Variants in FGF14 observed in about 807,000 individuals in gnomAD.
FGF14 encodes the protein fibroblast growth factor 14.
A neutral mutation model predicts 25.5 loss-of-function variants in FGF14; 5 were observed. That is an observed-to-expected ratio of 0.20 (90% CI 0.10 to 0.41). FGF14 has a LOEUF of 0.41. FGF14 is among the 10% of genes least tolerant of loss of function. FGF14 has a pLI of 1.00. For missense variants in FGF14, 222 were observed against 320.1 expected (o/e 0.69, Z 2.34); for synonymous variants, 138 against 118.3 (o/e 1.17, Z -1.08).
At chr13:101,900,875 A>G (rs2138982407) in intron 1 of FGF14, among the ~76,000 whole-genome samples, 1 of 152,288 alleles carries the variant, frequency 6.6e-6, no homozygotes, top group African/African-American at 2.4e-5. Flanking sequence ...TTTGAATGTA[A>G]AAACTGCTAT....
intron 1 of FGF14, among the ~76,000 whole-genome samples, chr13:102,208,465 A>G (rs78349331): frequency 6.6e-6 from 1 of 152,190 alleles, no homozygotes; most frequent in Non-Finnish European, 1.5e-5. Context: ...CTATCAGTTT[A>G]TCTTGTGAAT....
At chr13:102,183,974 C>A (rs2048779136) in intron 1 of FGF14, among the ~76,000 whole-genome samples, 1 of 152,134 alleles carries the variant, frequency 6.6e-6, no homozygotes, top group Non-Finnish European at 1.5e-5. Flanking sequence ...TACATTTTAA[C>A]CATGAATGTC....
intron 1 of FGF14, among the ~76,000 whole-genome samples, chr13:102,024,954 T>TAC (rs1566586723): frequency 2.0e-5 from 3 of 151,186 alleles, no homozygotes; most frequent in African/African-American, 7.3e-5. Flanking sequence ...TATATATATA[T>TAC]ACATATGTAA....
chr13:102,256,703 C>T (rs2052456550), intron 1 of FGF14, among the ~76,000 whole-genome samples: 3 of 152,182 alleles, frequency 2.0e-5, no homozygotes, highest in Admixed American at 2.0e-4. Flanking sequence ...TATTATATAA[C>T]TTACTAGTAA....
intron 1 of FGF14, among the ~76,000 whole-genome samples, chr13:102,397,011 CG>C (rs2139272926): frequency 6.6e-6 from 1 of 152,240 alleles, no homozygotes; most frequent in Non-Finnish European, 1.5e-5. Context: ...CTGTTCCAGA[CG>C]TGCAGTCTGA....
At chr13:102,201,496 G>A (rs949862040) in intron 1 of FGF14, among the ~76,000 whole-genome samples, 4 of 152,154 alleles carry the variant, frequency 2.6e-5, no homozygotes, top group African/African-American at 7.2e-5. Context: ...AATTCTCTGA[G>A]GTGTGATTCA....
At chr13:102,194,072 T>C (rs1358436989) in intron 1 of FGF14, among the ~76,000 whole-genome samples, 2 of 151,986 alleles carry the variant, frequency 1.3e-5, no homozygotes, top group Non-Finnish European at 2.9e-5. Flanking sequence ...TATCAGCAAA[T>C]AGATAACATC....
chr13:102,286,415 G>A (rs986708045), intron 1 of FGF14, among the ~76,000 whole-genome samples: 1 of 152,062 alleles, frequency 6.6e-6, no homozygotes, highest in Non-Finnish European at 1.5e-5. Flanking sequence ...TTTGTCATCT[G>A]TACTTTACAC....
chr13:101,731,523 G>T (rs202112163), intron 3 of FGF14, among the ~76,000 whole-genome samples: 1 of 152,128 alleles, frequency 6.6e-6, no homozygotes, highest in South Asian at 2.1e-4. Flanking sequence ...GGTTGTTTTT[G>T]AAATGAAAGC....
At chr13:102,037,374 G>A (rs2041525890) in intron 1 of FGF14, among the ~76,000 whole-genome samples, 2 of 152,026 alleles carry the variant, frequency 1.3e-5, no homozygotes, top group Admixed American at 1.3e-4. Flanking sequence ...GAGGTTGCCT[G>A]TCTTCCTTGG....
At chr13:101,837,166 A>ATATGTGTGTGTGTGTG (rs2042964816) in intron 3 of FGF14, among the ~76,000 whole-genome samples, 1 of 123,578 alleles carries the variant, frequency 8.1e-6, no homozygotes, top group Non-Finnish European at 1.7e-5. Context: ...AGCTGGTACT[A>ATATGTGTGTGTGTGTG]TATGTGTGTG....
At chr13:102,401,141 A>G (rs2058694971) in intron 1 of FGF14, among the ~76,000 whole-genome samples, 4 of 152,026 alleles carry the variant, frequency 2.6e-5, no homozygotes, top group Admixed American at 2.0e-4. Flanking sequence ...CCGAAGCTTC[A>G]GCTGCCTGGG....
chr13:102,328,599 T>A (rs953866412), intron 1 of FGF14, among the ~76,000 whole-genome samples: 9 of 152,164 alleles, frequency 5.9e-5, no homozygotes, highest in African/African-American at 2.2e-4. Flanking sequence ...CACTTAAAGC[T>A]CTAGAGCACT....
intron 1 of FGF14, among the ~76,000 whole-genome samples, chr13:101,962,928 G>A (rs2036956842): frequency 6.6e-6 from 1 of 152,216 alleles, no homozygotes; most frequent in African/African-American, 2.4e-5. Context: ...CACATGGGAA[G>A]TGGAATTGAG....
At chr13:101,764,477 TC>T (rs2038252965) in intron 3 of FGF14, among the ~76,000 whole-genome samples, 1 of 152,196 alleles carries the variant, frequency 6.6e-6, no homozygotes. Flanking sequence ...CTGTCTTTGC[TC>T]TTGCTTTAGA....
At chr13:101,999,689 C>T (rs2039376028) in intron 1 of FGF14, among the ~76,000 whole-genome samples, 1 of 152,108 alleles carries the variant, frequency 6.6e-6, no homozygotes, top group African/African-American at 2.4e-5. Flanking sequence ...AATGTCAGAG[C>T]TAAAGGAGCT....
intron 1 of FGF14, among the ~76,000 whole-genome samples, chr13:102,232,927 T>C (rs575262695): frequency 6.6e-6 from 1 of 152,246 alleles, no homozygotes; most frequent in African/African-American, 2.4e-5. Flanking sequence ...TTTAACCAAA[T>C]TATATGCTGG....
chr13:101,714,681 C>A lies in FGF14; in HGVS notation c.*8150G>T. On this transcript the variant is annotated 3_prime_UTR_variant, in exon 5 of 5. Transcript: ENST00000376143. The stretch of plus-strand genomic sequence containing the variant: ...GTGAATATGAAATATCTACCAAAGG[C>A]GAAGTGGGCATTTGGGAAAAAGCCC... The A allele has an allele frequency of 1.6e-6, 1 of 639,292 alleles. No homozygotes were observed. Among genetic ancestry groups the A allele is most frequent in the South Asian group, 1.9e-5 (1 of 51,356 alleles). The allele number at this position is 639,292 out of a possible 1,614,324, so 39.6% of individuals were successfully genotyped here.
intron 1 of FGF14, among the ~76,000 whole-genome samples, chr13:102,366,138 G>A (rs545326569): frequency 1.8e-4 from 27 of 152,138 alleles, no homozygotes; most frequent in Non-Finnish European, 1.3e-4. Flanking sequence ...GATATTAAGA[G>A]AATGTTAAAT....
Sources: allele counts gnomAD v4.1 joint callset (sites outside exome capture counted in the v4.1 genomes callset), GRCh38; gene constraint gnomAD v4.1.1; transcripts MANE v1.5; gene names NCBI Gene and HGNC (gene_info 2026-07-23, HGNC 2026-07-21).